The following KCNIP4 variants were observed in gnomAD, a reference collection of about 807,000 sequenced individuals.
The protein encoded by KCNIP4 is Kv channel-interacting protein 4.
In KCNIP4, 12 loss-of-function variants were observed where a neutral mutation model predicts 34.0. That is an observed-to-expected ratio of 0.35 (90% confidence interval 0.23 to 0.57). KCNIP4 has a LOEUF of 0.57. KCNIP4 is among the 20% of genes least tolerant of loss of function. KCNIP4 has a pLI of 0.83. For synonymous variants in KCNIP4, 124 were observed against 102.2 expected, an observed-to-expected ratio of 1.21 and a Z score of -1.29; for missense variants, 238 against 311.7, an observed-to-expected ratio of 0.76 and a Z score of 1.78.
intron 1 of KCNIP4, among the ~76,000 whole-genome samples, chr4:21,087,926 G>T (rs999499705): frequency 1.3e-5 from 2 of 151,974 alleles, no homozygotes; most frequent in Non-Finnish European, 2.9e-5. Flanking sequence ...TTCAAGATAC[G>T]CTTCCCTTCT....
chr4:21,094,360 T>C (rs932174468), intron 1 of KCNIP4, among the ~76,000 whole-genome samples: 13 of 152,260 alleles, frequency 8.5e-5, no homozygotes, highest in African/African-American at 2.6e-4. Flanking sequence ...ACATCTAATA[T>C]GACAAAATGT....
At chr4:21,386,986 G>T (rs1269062297) in intron 1 of KCNIP4, among the ~76,000 whole-genome samples, 2 of 152,160 alleles carry the variant, frequency 1.3e-5, no homozygotes, top group African/African-American at 4.8e-5. Context: ...CCACCAGAGA[G>T]CGATAACTTC....
chr4:21,012,793 G>T (rs922163213), intron 1 of KCNIP4, among the ~76,000 whole-genome samples: 1 of 152,108 alleles, frequency 6.6e-6, no homozygotes, highest in Non-Finnish European at 1.5e-5. Context: ...ATCAGTCTTT[G>T]AAAACATATC....
At chr4:21,282,039 T>C (rs1459633728) in intron 1 of KCNIP4, among the ~76,000 whole-genome samples, 1 of 152,200 alleles carries the variant, frequency 6.6e-6, no homozygotes, top group Non-Finnish European at 1.5e-5. Context: ...GGCAACAGGA[T>C]GTGATCACTA....
At chr4:21,355,923 A>G (rs1261005350) in intron 1 of KCNIP4, among the ~76,000 whole-genome samples, 1 of 152,184 alleles carries the variant, frequency 6.6e-6, no homozygotes, top group African/African-American at 2.4e-5. Context: ...GGCAAACCGA[A>G]TCCAGCAGCA....
chr4:21,357,413 C>T (rs2109395269), intron 1 of KCNIP4, among the ~76,000 whole-genome samples: 1 of 152,228 alleles, frequency 6.6e-6, no homozygotes, highest in South Asian at 2.1e-4. Flanking sequence ...TTGCAATCTA[C>T]CCATCTGACA....
chr4:21,218,001 ATTT>A (rs1757717234), intron 1 of KCNIP4, among the ~76,000 whole-genome samples: 1 of 126,406 alleles, frequency 7.9e-6, no homozygotes, highest in Admixed American at 7.5e-5. Context: ...TTTTTTTTAA[ATTT>A]ATTTATTTAT....
intron 1 of KCNIP4, among the ~76,000 whole-genome samples, chr4:21,056,665 C>A (rs1743436363): frequency 6.6e-6 from 1 of 152,136 alleles, no homozygotes; most frequent in South Asian, 2.1e-4. Flanking sequence ...CGTAAGTGTA[C>A]TTCTAATACA....
intron 1 of KCNIP4, among the ~76,000 whole-genome samples, chr4:21,445,214 G>A (rs142167298): frequency 0.092 from 14,003 of 152,158 alleles, 681 homozygotes; most frequent in East Asian, 0.18. Flanking sequence ...GTAATTTATA[G>A]ATTCAATGCC....
intron 1 of KCNIP4, among the ~76,000 whole-genome samples, chr4:21,619,331 T>A (rs1329024902): frequency 6.6e-6 from 1 of 152,228 alleles, no homozygotes; most frequent in African/African-American, 2.4e-5. Flanking sequence ...AATGTAGAAA[T>A]AGCTTTTTAA....
chr4:20,947,781 A>G (rs1189388075), intron 1 of KCNIP4, among the ~76,000 whole-genome samples: 1 of 152,206 alleles, frequency 6.6e-6, no homozygotes, highest in Non-Finnish European at 1.5e-5. Flanking sequence ...CCACATGCAC[A>G]TACTGGGCTA....
At chr4:21,350,322 A>G (rs1344094799) in intron 1 of KCNIP4, among the ~76,000 whole-genome samples, 1 of 152,098 alleles carries the variant, frequency 6.6e-6, no homozygotes, top group Non-Finnish European at 1.5e-5. Flanking sequence ...TGGCACCATA[A>G]AAAGCATTTA....
At chr4:20,769,131 G>T (rs1018198128) in intron 3 of KCNIP4, among the ~76,000 whole-genome samples, 7 of 148,434 alleles carry the variant, frequency 4.7e-5, no homozygotes, top group Non-Finnish European at 8.9e-5. Flanking sequence ...AGAAATAATT[G>T]AAAAGTTCTG....
chr4:21,482,997 A>C (rs2109838011), intron 1 of KCNIP4, among the ~76,000 whole-genome samples: 1 of 150,956 alleles, frequency 6.6e-6, no homozygotes, highest in South Asian at 2.1e-4. Flanking sequence ...AGGACAAAAA[A>C]ACAAACACCG....
chr4:20,784,523 G>T (rs1711661695), intron 3 of KCNIP4, among the ~76,000 whole-genome samples: 1 of 152,064 alleles, frequency 6.6e-6, no homozygotes, highest in South Asian at 2.1e-4. Context: ...TATTCTTAAA[G>T]GTTGGGACTT....
At chr4:21,561,218 T>G (rs992719853) in intron 1 of KCNIP4, among the ~76,000 whole-genome samples, 2 of 152,004 alleles carry the variant, frequency 1.3e-5, no homozygotes, top group Admixed American at 1.3e-4. Context: ...AGCTTCAAAG[T>G]CCTCAGGACC....
chr4:21,903,916 A>T (rs1727848483), intron 1 of KCNIP4, among the ~76,000 whole-genome samples: 1 of 152,208 alleles, frequency 6.6e-6, no homozygotes, highest in South Asian at 2.1e-4. Context: ...TTTAACAATT[A>T]AACAATTTTA....
chr4:21,167,450 G>A (rs772839265), intron 1 of KCNIP4, among the ~76,000 whole-genome samples: 16 of 152,136 alleles, frequency 1.1e-4, no homozygotes, highest in Non-Finnish European at 5.9e-5. Context: ...CGAATTCTCT[G>A]CTTCCTATCA....
intron 1 of KCNIP4, among the ~76,000 whole-genome samples, chr4:21,241,042 A>G (rs764839595): frequency 1.7e-4 from 26 of 152,190 alleles, no homozygotes; most frequent in Non-Finnish European, 3.4e-4. Flanking sequence ...CCTTATTTTG[A>G]GTGCTTATAT....
Sources: allele counts gnomAD v4.1 joint callset (sites outside exome capture counted in the v4.1 genomes callset), GRCh38; gene constraint gnomAD v4.1.1; transcripts MANE v1.5; gene names NCBI Gene and HGNC (gene_info 2026-07-23, HGNC 2026-07-21).